SEZ6L: variants seen among roughly 807,000 people sequenced by gnomAD.
The protein encoded by SEZ6L is seizure 6-like protein.
A neutral mutation model predicts 106.2 loss-of-function variants in SEZ6L; 37 were observed. That is an observed-to-expected ratio of 0.35 (90% CI 0.27 to 0.46). SEZ6L has a LOEUF of 0.46. Among genes scored for constraint, SEZ6L ranks in the 20% least tolerant of loss-of-function variants. The pLI is 1.00. For missense variants in SEZ6L, 1,172 were observed against 1,332.8 expected (o/e 0.88, Z 1.88); for synonymous variants, 541 against 570.4 (o/e 0.95, Z 0.73).
Position 26,306,160 on chromosome 22 carries a change from T to C in SEZ6L, c.1514+16T>C. Reference sequence around the variant, plus strand: ...ACAAGGACAGGTAAAGCTCTGAAGGTCCACACCCAACCCCGTTTCTTCCCA... The same window carrying C: ...ACAAGGACAGGTAAAGCTCTGAAGGCCCACACCCAACCCCGTTTCTTCCCA... On this transcript the variant is annotated intron_variant, in intron 6 of 16. Coordinates refer to ENST00000248933, the MANE Select transcript of SEZ6L (RefSeq NM_021115.5). 2.5e-6 allele frequency: 4 copies of C among 1,610,616 alleles called. No individual in the cohort carries two copies. Among genetic ancestry groups the C allele is most frequent in the Non-Finnish European group, 3.4e-6 (4 of 1,179,346 alleles).
chr22:26,250,320 C>T (rs1270737500), intron 1 of SEZ6L, among the ~76,000 whole-genome samples: 1 of 152,034 alleles, frequency 6.6e-6, no homozygotes, highest in African/African-American at 2.4e-5. Flanking sequence ...AAGTCTTTAT[C>T]ATTTTGAGTT....
At chr22:26,318,056 C>CATTTTATTTTATTTTATTTTATTTT (rs71192913) in intron 9 of SEZ6L, among the ~76,000 whole-genome samples, 24 of 146,604 alleles carry the variant, frequency 1.6e-4, no homozygotes, top group African/African-American at 6.1e-4. Flanking sequence ...ATTCAATTTC[C>CATTTTATTTTATTTTATTTTATTTT]ATTTTATTTT....
intron 1 of SEZ6L, among the ~76,000 whole-genome samples, chr22:26,202,209 C>T (rs1220112904): frequency 3.3e-5 from 5 of 152,250 alleles, no homozygotes; most frequent in South Asian, 4.1e-4. Context: ...CCACTGCGCC[C>T]GGCCAAGTCA....
intron 1 of SEZ6L, among the ~76,000 whole-genome samples, chr22:26,199,700 G>T (rs1233558741): frequency 2.6e-5 from 4 of 152,190 alleles, no homozygotes; most frequent in Non-Finnish European, 5.9e-5. Flanking sequence ...CAGCTTTTTA[G>T]CAGTTTGGTG....
Position 26,380,306 on chromosome 22 carries a change from A to C in SEZ6L, c.*11A>C, listed in dbSNP as rs375371828. ...GAGGTTTCTATCTAAAGAGAGCTAC[A>C]CTTGAGAAGGGGACTTGTGAACTCA... On this transcript the variant is annotated 3_prime_UTR_variant, in exon 17 of 17. Coordinates refer to ENST00000248933, the MANE Select transcript of SEZ6L (RefSeq NM_021115.5). 13 of 1,612,028 alleles carry C rather than the reference A, an allele frequency of 8.1e-6. No individual in the cohort carries two copies. The East Asian group carries it at 2.2e-4, about 28-fold the overall frequency.
At chr22:26,281,196 AG>A (rs773051024) in intron 1 of SEZ6L, among the ~76,000 whole-genome samples, 2 of 152,164 alleles carry the variant, frequency 1.3e-5, no homozygotes, top group Non-Finnish European at 2.9e-5. Context: ...GAGTACAATT[AG>A]TGGCTTTATA....
chr22:26,279,044 G>A (rs2080666844), intron 1 of SEZ6L, among the ~76,000 whole-genome samples: 1 of 138,286 alleles, frequency 7.2e-6, no homozygotes, highest in Non-Finnish European at 1.6e-5. Flanking sequence ...GAAAAGTGGA[G>A]CTCATCCAAC....
intron 1 of SEZ6L, among the ~76,000 whole-genome samples, chr22:26,284,381 T>C (rs1046259911): frequency 1.1e-4 from 16 of 152,160 alleles, no homozygotes; most frequent in Admixed American, 3.3e-4. Context: ...CCAAGGCACA[T>C]GGATCACTTG....
chr22:26,192,377 T>G (rs1940278615), intron 1 of SEZ6L, among the ~76,000 whole-genome samples: 1 of 152,162 alleles, frequency 6.6e-6, no homozygotes, highest in Admixed American at 6.5e-5. Flanking sequence ...TTGTAACATT[T>G]AAGAAGAAGT....
At chr22:26,233,925 G>A (rs2078878691) in intron 1 of SEZ6L, among the ~76,000 whole-genome samples, 1 of 152,150 alleles carries the variant, frequency 6.6e-6, no homozygotes, top group African/African-American at 2.4e-5. Flanking sequence ...CCAGGCAAAG[G>A]CAAGCACCAG....
At chr22:26,374,911 G>A (rs919983496) in intron 14 of SEZ6L, among the ~76,000 whole-genome samples, 10 of 152,174 alleles carry the variant, frequency 6.6e-5, no homozygotes, top group Admixed American at 5.9e-4. Context: ...GAATCAAAAC[G>A]GGCCTTCATA....
intron 13 of SEZ6L, among the ~76,000 whole-genome samples, chr22:26,369,338 G>GTCCTTTTTTTTTTTTTTTTTTTTTT (rs2083927308): frequency 3.6e-5 from 3 of 83,618 alleles, no homozygotes; most frequent in African/African-American, 2.2e-4. Flanking sequence ...TATATAAGCA[G>GTCCTTTTTTTTTTTTTTTTTTTTTT]TTCTTTTGTT....
chr22:26,235,919 C>T (rs1441659591), intron 1 of SEZ6L, among the ~76,000 whole-genome samples: 1 of 152,212 alleles, frequency 6.6e-6, no homozygotes, highest in African/African-American at 2.4e-5. Context: ...TGCAAAGTGA[C>T]AGAGAAGTTT....
intron 1 of SEZ6L, among the ~76,000 whole-genome samples, chr22:26,287,119 A>C (rs1180431485): frequency 1.3e-5 from 2 of 151,660 alleles, no homozygotes; most frequent in Non-Finnish European, 2.9e-5. Context: ...TCCCCATCAA[A>C]GTTAGAAAAA....
At chr22:26,245,250 A>C (rs915229101) in intron 1 of SEZ6L, among the ~76,000 whole-genome samples, 1 of 152,172 alleles carries the variant, frequency 6.6e-6, no homozygotes, top group African/African-American at 2.4e-5. Context: ...CAAATTCCCC[A>C]GGCACCATTC....
chr22:26,255,488 A>G (rs890649473), intron 1 of SEZ6L, among the ~76,000 whole-genome samples: 16 of 152,220 alleles, frequency 1.1e-4, no homozygotes, highest in Non-Finnish European at 2.2e-4. Flanking sequence ...CATGGAAGAG[A>G]AGGACTTTCT....
At chr22:26,238,838 G>T (rs1212717181) in intron 1 of SEZ6L, among the ~76,000 whole-genome samples, 1 of 152,178 alleles carries the variant, frequency 6.6e-6, no homozygotes, top group Non-Finnish European at 1.5e-5. Flanking sequence ...AACCCCTGCT[G>T]GTCACACTAG....
At chr22:26,257,069 T>A (rs2079846289) in intron 1 of SEZ6L, among the ~76,000 whole-genome samples, 1 of 152,132 alleles carries the variant, frequency 6.6e-6, no homozygotes, top group South Asian at 2.1e-4. Flanking sequence ...TTTTTGATGG[T>A]CACAACATCC....
At chr22:26,311,719 G>A (rs1314207796) in intron 7 of SEZ6L, 49 bp from the exon 8 acceptor site, 1 of 1,511,608 alleles carries the variant, frequency 6.6e-7, no homozygotes, top group Admixed American at 1.7e-5. Flanking sequence ...TAGCACCGTG[G>A]GGTAGTCCCT....
Sources: allele counts gnomAD v4.1 joint callset (sites outside exome capture counted in the v4.1 genomes callset), GRCh38; gene constraint gnomAD v4.1.1; transcripts MANE v1.5; gene names NCBI Gene and HGNC (gene_info 2026-07-23, HGNC 2026-07-21).